The following FGD3 variants were observed in gnomAD, a reference collection of about 807,000 sequenced individuals.
FGD3 encodes the protein FYVE, RhoGEF and PH domain-containing protein 3.
In FGD3, 45 loss-of-function variants were observed where a neutral mutation model predicts 71.8. The ratio of observed to expected loss-of-function variants is 0.63; its 90% confidence interval spans 0.49 to 0.80. FGD3 has a LOEUF of 0.80. Among genes scored for constraint, FGD3 ranks in the 30% least tolerant of loss-of-function variants. The probability of loss-of-function intolerance (pLI) is 0.00; values close to 1 mark genes in which losing one functional copy is unlikely to be tolerated. For synonymous variants in FGD3, 378 were observed against 392.8 expected (o/e 0.96, Z 0.44); for missense variants, 844 against 951.5 (o/e 0.89, Z 1.49).
At chr9:93,027,715 C>CTTTTTTTTTTTTTTTTTTTTTTT (rs1199094054) in intron 14 of FGD3, among the ~76,000 whole-genome samples, 1 of 102,016 alleles carries the variant, frequency 9.8e-6, no homozygotes, top group African/African-American at 4.0e-5. Flanking sequence ...TTCTTTCTTT[C>CTTTTTTTTTTTTTTTTTTTTTTT]TTTTTTTTTT....
intron 3 of FGD3, 117 bp downstream of exon 3, chr9:92,976,826 C>A: frequency 8.6e-7 from 1 of 1,164,468 alleles, no homozygotes; most frequent in Non-Finnish European, 1.2e-6. Flanking sequence ...CACACAGGCT[C>A]GTGCTGTGTG....
At chr9:92,992,224 T>C (rs944146767) in intron 3 of FGD3, among the ~76,000 whole-genome samples, 18 of 152,244 alleles carry the variant, frequency 1.2e-4, no homozygotes, top group African/African-American at 4.3e-4. Context: ...ATATCCTTTG[T>C]TACTTCTTCT....
At chr9:93,034,705 C>A in intron 17 of FGD3, 24 bp downstream of exon 17, 1 of 1,606,480 alleles carries the variant, frequency 6.2e-7, no homozygotes, top group Non-Finnish European at 8.5e-7. Context: ...CCCCACCAGG[C>A]CCTCAGGCCA....
At chr9:92,983,731 A>G (rs1037080075) in intron 3 of FGD3, among the ~76,000 whole-genome samples, 14 of 152,340 alleles carry the variant, frequency 9.2e-5, no homozygotes, top group African/African-American at 2.9e-4. Context: ...ACTCTAGCCA[A>G]TATGGTCACA....
At chr9:92,987,251 T>C (rs1860222109) in intron 3 of FGD3, among the ~76,000 whole-genome samples, 4 of 151,816 alleles carry the variant, frequency 2.6e-5, no homozygotes. Context: ...GCTAACACGG[T>C]AAAACCCCAT....
Position 93,010,313 on chromosome 9 carries a change from G to T in FGD3, c.905G>T (p.Arg302Leu). The change falls in exon 7 of 18, where the codon CGG becomes CTG. Residue 302 changes from arginine (R) to leucine (L), a missense_variant. Physicochemically the swap from Arg to Leu is moderately radical, Grantham distance 102. Transcript: ENST00000375482. ...CTGGAGCCCGTGCAGAGGGTCCCCCGGTACGAGCTGCTGCTCAAGGACTAT... is the reference window on the plus strand; with the variant it reads ...CTGGAGCCCGTGCAGAGGGTCCCCCTGTACGAGCTGCTGCTCAAGGACTAT... ...HMLEPVQRVP[R>L]YELLLKDYLK... The T allele has an allele frequency of 6.2e-7, 1 of 1,613,662 alleles. No homozygotes were observed. Among genetic ancestry groups the T allele is most frequent in the Non-Finnish European group, 8.5e-7 (1 of 1,179,672 alleles).
chr9:93,001,819 T>G (rs1002102222), intron 3 of FGD3, among the ~76,000 whole-genome samples: 1 of 152,192 alleles, frequency 6.6e-6, no homozygotes, highest in Non-Finnish European at 1.5e-5. Context: ...AGAATTGGCC[T>G]GCCACAATAG....
intron 7 of FGD3, among the ~76,000 whole-genome samples, chr9:93,010,778 A>G (rs1237953557): frequency 6.6e-6 from 1 of 152,024 alleles, no homozygotes; most frequent in African/African-American, 2.4e-5. Context: ...CCAGGAAGGG[A>G]CTTAGCATCT....
Position 93,003,133 on chromosome 9 carries a change from T to G in FGD3, c.543+119T>G. On this transcript the variant is annotated intron_variant, in intron 4 of 17. Coordinates refer to ENST00000375482, the MANE Select transcript of FGD3 (RefSeq NM_001083536.2). This position sits in a 1 kb window ranked among gnomAD's most constrained non-coding sequence, Gnocchi z 4.1. ...ACAAATTTAAGTCTGGTCTACAAAC[T>G]TTTTTTTTTTTTTGAGACAAAGTCT... is the stretch of plus-strand genomic sequence containing the variant. 1 of 217,350 alleles carries G rather than the reference T, an allele frequency of 4.6e-6. No individual in the cohort carries two copies. The highest frequency in any genetic ancestry group is 8.0e-6 in the Non-Finnish European group (1 of 125,028). 13.5% of individuals were successfully genotyped at this position (217,350 alleles called of 1,614,324 possible).
At chr9:93,020,498 T>C (rs1861877486) in intron 13 of FGD3, 74 bp downstream of exon 13, 2 of 1,332,876 alleles carry the variant, frequency 1.5e-6, no homozygotes, top group East Asian at 4.9e-5. Context: ...GGCACTGGCG[T>C]CTGGGTGGGC....
At position 93,020,311 on chromosome 9, in the gene FGD3, G is replaced by A; in HGVS notation, c.1387-6G>A. The A allele has an allele frequency of 1.2e-6, 2 of 1,609,058 alleles. No individual in the cohort carries two copies. Among genetic ancestry groups the A allele is most frequent in the Admixed American group, 1.7e-5 (1 of 59,278 alleles). ...ATAGTCCTCACTGTTGTGTTGCTGT[G>A]TCCAGATCATCCAGGCCACCATCGA... On this transcript the variant is annotated splice_region_variant and splice_polypyrimidine_tract_variant and intron_variant, in intron 12 of 17. Coordinates refer to ENST00000375482, the MANE Select transcript of FGD3 (RefSeq NM_001083536.2).
chr9:92,947,732 G>A lies in FGD3; in HGVS notation c.-218+3G>A, dbSNP rs1197659105. 1 of 152,340 alleles carries A rather than the reference G, an allele frequency of 6.6e-6. No homozygotes were observed. Among genetic ancestry groups the A allele is most frequent in the African/African-American group, 2.4e-5 (1 of 41,458 alleles). 9.4% of individuals were successfully genotyped at this position (152,340 alleles called of 1,614,324 possible). A position where few individuals can be genotyped will look rare whatever the true frequency, so the allele number is the denominator to read the frequency against. On this transcript the variant is annotated splice_donor_region_variant and intron_variant, in intron 1 of 17. Coordinates refer to ENST00000375482, the MANE Select transcript of FGD3 (RefSeq NM_001083536.2). Reference sequence around the variant, plus strand: ...ATTTTCGTCCCCAGAGGAAGGCGGTGAGTAGGTTACATTGGAAAAGGTGGC... The same window carrying A: ...ATTTTCGTCCCCAGAGGAAGGCGGTAAGTAGGTTACATTGGAAAAGGTGGC...
chr9:92,971,789 A>T (rs1859544344), intron 1 of FGD3, among the ~76,000 whole-genome samples: 1 of 151,770 alleles, frequency 6.6e-6, no homozygotes, highest in Non-Finnish European at 1.5e-5. Flanking sequence ...TTGGCGTACC[A>T]TTGATGCATA....
intron 11 of FGD3, among the ~76,000 whole-genome samples, 183 bp from the exon 12 acceptor site, chr9:93,019,648 C>T (rs1166423337): frequency 6.6e-6 from 1 of 152,234 alleles, no homozygotes; most frequent in East Asian, 1.9e-4. Flanking sequence ...GAGGGCTCCA[C>T]ATGGCTCACC....
chr9:93,003,901 G>C lies in FGD3; in HGVS notation c.544-100G>C, dbSNP rs1860948174. 1.4e-6 allele frequency: 2 copies of C among 1,409,250 alleles called. No individual in the cohort carries two copies. The highest frequency in any genetic ancestry group is 2.0e-6 in the Non-Finnish European group (2 of 1,022,870). 87.3% of individuals were successfully genotyped at this position (1,409,250 alleles called of 1,614,324 possible). A position where few individuals can be genotyped will look rare whatever the true frequency, so the allele number is the denominator to read the frequency against. On this transcript the variant is annotated intron_variant, in intron 4 of 17. Coordinates refer to ENST00000375482, the MANE Select transcript of FGD3 (RefSeq NM_001083536.2). This position sits in a 1 kb window ranked among gnomAD's most constrained non-coding sequence, Gnocchi z 4.1. ...ATTAAGAAAACACAAGGTGGCAGCA[G>C]CGGCCCCTCCCGAGCGCCCTCACCT...
intron 3 of FGD3, among the ~76,000 whole-genome samples, chr9:92,979,773 A>G (rs907683685): frequency 6.6e-6 from 1 of 152,120 alleles, no homozygotes; most frequent in East Asian, 1.9e-4. Context: ...TACTAATTCA[A>G]TCTGCATACT....
intron 1 of FGD3, among the ~76,000 whole-genome samples, chr9:92,955,072 G>A (rs1859025930): frequency 6.6e-6 from 1 of 152,212 alleles, no homozygotes; most frequent in Non-Finnish European, 1.5e-5. Context: ...GGGAACAGAC[G>A]TGAGAGGCAA....
At position 93,022,335 on chromosome 9, in the gene FGD3, C is replaced by T. The variant is rs753376935; in HGVS notation, c.1503C>T (p.Ser501=). ...PSLSPDMPIT[S]TSPVEPVVTT... ...CTCTGTGTCCCTTCTAGATCACGAG[C>T]ACCAGCCCTGTGGAGCCTGTGGTGA... Residue 501 remains serine, a synonymous_variant, in exon 14 of 18, where the codon AGC becomes AGT. Transcript: ENST00000375482. The T allele has an allele frequency of 3.7e-6, 6 of 1,611,864 alleles. No individual in the cohort carries two copies. The highest frequency in any genetic ancestry group is 1.3e-5 in the African/African-American group (1 of 74,930).
rs981493243 is a variant in FGD3 at position 93,035,658 on chromosome 9, G to T, written c.*69G>T. ...GCTGTCCTGGGAGGTGGTGTTGGAG[G>T]CCCCATGAAGAGCGCCCTGGACTGC... On this transcript the variant is annotated 3_prime_UTR_variant, in exon 18 of 18. Coordinates refer to ENST00000375482, the MANE Select transcript of FGD3 (RefSeq NM_001083536.2). 12 of 1,509,798 alleles carry T rather than the reference G, an allele frequency of 7.9e-6. No homozygotes were observed. The highest frequency in any genetic ancestry group is 1.1e-5 in the Non-Finnish European group (12 of 1,132,212). 93.5% of individuals were successfully genotyped at this position (1,509,798 alleles called of 1,614,324 possible).
Sources: gnomAD v4.1 joint callset for allele counts (sites outside exome capture counted in the v4.1 genomes callset) on GRCh38, gnomAD v4.1.1 for gene constraint, Gnocchi (gnomAD v3.1) non-coding constraint, MANE v1.5 for transcripts, NCBI Gene and HGNC (gene_info 2026-07-23, HGNC 2026-07-21) for gene names.